Variants in MTSS2 observed in about 807,000 individuals in gnomAD.
MTSS2 encodes MTSS I-BAR domain containing 2.
Under a neutral mutation model 67.1 loss-of-function variants are expected in MTSS2, and 27 were observed. That is an observed-to-expected ratio of 0.40 (90% confidence interval 0.30 to 0.55). MTSS2 has a LOEUF of 0.55. MTSS2 is among the 20% of genes least tolerant of loss of function. The pLI, the probability that MTSS2 is intolerant of heterozygous loss-of-function variation, is 0.43. For missense variants in MTSS2, 1,171 were observed against 1,067.8 expected, an observed-to-expected ratio of 1.10 and a Z score of -1.35; for synonymous variants, 624 against 468.6, an observed-to-expected ratio of 1.33 and a Z score of -4.28.
At chr16:70,670,952 A>T (rs2052911314) in intron 11 of MTSS2, among the ~76,000 whole-genome samples, 1 of 141,476 alleles carries the variant, frequency 7.1e-6, no homozygotes, top group African/African-American at 2.6e-5. Context: ...CCTGGGTGAC[A>T]GAGTGAGACC....
rs1410770884 is a variant in MTSS2, at chr16:70,661,795, A to G, written c.*1882T>C. ...GCCTCCTTTCCCATCAGGACCTCTG[A>G]CGCCCAGGTCTGCCCACCCACTGCC... On this transcript the variant is annotated 3_prime_UTR_variant, in exon 15 of 15. Transcript: ENST00000338779. 1.6e-5 allele frequency: 3 copies of G among 182,678 alleles called. No individual in the cohort carries two copies. The highest frequency in any genetic ancestry group is 5.6e-5 in the Admixed American group (1 of 17,922). The allele number at this position is 182,678 out of a possible 1,614,324, so 11.3% of individuals were successfully genotyped here.
chr16:70,674,458 G>C lies in MTSS2; in HGVS notation c.901C>G (p.Pro301Ala). Residue 301 changes from proline (P) to alanine (A), a missense_variant, in exon 11 of 15, where the codon CCC (proline) becomes GCC (alanine). Physicochemically the swap from Pro to Ala is conservative, Grantham distance 27. Around this residue, in one of 2 missense-constraint regions of MTSS2, gnomAD observed 924 missense variants for 756.0 expected, o/e 1.22. Coordinates refer to ENST00000338779, the MANE Select transcript of MTSS2 (RefSeq NM_138383.3). ...CTGCGGTAGCGACAGGTGGAACTGG[G>C]TGAGTATGTTTGGGCACCCCCAGGC... ...PWPGGAQTYSPSSTCRYRSLA... is the reference protein window; with the variant it reads ...PWPGGAQTYSASSTCRYRSLA... 6.2e-7 allele frequency: 1 copy of C among 1,614,154 alleles called. No individual in the cohort carries two copies. The highest frequency in any genetic ancestry group is 1.3e-5 in the African/African-American group (1 of 75,066).
chr16:70,679,258 A>G, intron 7 of MTSS2, 57 bp downstream of exon 7: 1 of 1,604,714 alleles, frequency 6.2e-7, no homozygotes, highest in Non-Finnish European at 8.5e-7. Flanking sequence ...GCTGGGGGAG[A>G]CAGACAAATG....
At chr16:70,675,466 G>C (rs569747971) in intron 10 of MTSS2, among the ~76,000 whole-genome samples, 1 of 152,254 alleles carries the variant, frequency 6.6e-6, no homozygotes, top group East Asian at 1.9e-4. Context: ...AAACCTATTG[G>C]TTTCACCAAA....
At position 70,661,460 on chromosome 16, in the gene MTSS2, A is replaced by C. The variant is rs867177929; in HGVS notation, c.*2217T>G. On this transcript the variant is annotated 3_prime_UTR_variant, in exon 15 of 15. Coordinates refer to ENST00000338779, the MANE Select transcript of MTSS2 (RefSeq NM_138383.3). The stretch of plus-strand genomic sequence containing the variant: ...AAATTAAAAAAAGGAACGAGTTAAC[A>C]ACAGCACCAGGAAAGTTACTTCAGT... The C allele has an allele frequency of 4.0e-4, 146 of 365,332 alleles. 1 individual carries two copies. In the Middle Eastern group the frequency reaches 5.0e-3, roughly 13 times the overall value. 22.6% of individuals were successfully genotyped at this position (365,332 alleles called of 1,614,324 possible).
chr16:70,679,915 C>G, intron 4 of MTSS2, 38 bp from the exon 5 acceptor site: 1 of 1,544,492 alleles, frequency 6.5e-7, no homozygotes, highest in Non-Finnish European at 8.7e-7. Context: ...CAGGGCCGGG[C>G]TCCCCCGCGA....
At chr16:70,665,251 G>A (rs2052666554) in intron 12 of MTSS2, 155 bp from the exon 13 acceptor site, 1 of 987,978 alleles carries the variant, frequency 1.0e-6, no homozygotes, top group Admixed American at 2.8e-5. Flanking sequence ...GTGTGACTGT[G>A]GCCCCTCAGT....
intron 10 of MTSS2, among the ~76,000 whole-genome samples, chr16:70,676,646 A>C (rs11647479): frequency 0.45 from 68,171 of 152,036 alleles, 15,693 homozygotes; most frequent in Non-Finnish European, 0.51. Flanking sequence ...TGGATGCTCC[A>C]TAAATGAAGC....
Position 70,665,449 on chromosome 16 carries a change from G to A in MTSS2, c.1128+17C>T, listed in dbSNP as rs1226194185. The A allele has an allele frequency of 5.8e-6, 9 of 1,549,602 alleles. No homozygotes were observed. The highest frequency in any genetic ancestry group is 3.9e-5 in the Admixed American group (2 of 51,300). ...GGCAGCTGGTGACTGTCCTGGGGCC[G>A]GGCTGGGAGCACTGACCGAGGTGGG... On this transcript the variant is annotated intron_variant, in intron 12 of 14. Coordinates refer to ENST00000338779, the MANE Select transcript of MTSS2 (RefSeq NM_138383.3).
At chr16:70,685,261 C>A (rs1411602325) in intron 1 of MTSS2, among the ~76,000 whole-genome samples, 1 of 151,990 alleles carries the variant, frequency 6.6e-6, no homozygotes, top group East Asian at 1.9e-4. Flanking sequence ...CCTAGGTCGG[C>A]GGGGAAGGAG....
chr16:70,664,211 G>A lies in MTSS2; in HGVS notation c.1710C>T (p.Thr570=), dbSNP rs1050857530. The change falls in exon 15 of 15, where the codon ACC becomes ACT. Residue 570 remains threonine (T), a synonymous_variant. Coordinates refer to ENST00000338779, the MANE Select transcript of MTSS2 (RefSeq NM_138383.3). ...GVATIRRTPS[T]KPTVRRALSS... ...ACAGGGCGCGGCGCACGGTGGGCTT[G>A]GTGGAGGGTGTGCGGCGGATGGTGG... 5 of 1,589,564 alleles carry A rather than the reference G, an allele frequency of 3.1e-6. No individual in the cohort carries two copies. The highest frequency in any genetic ancestry group is 2.2e-5 in the East Asian group (1 of 44,586).
At chr16:70,678,227 G>A (rs766623413) in intron 8 of MTSS2, 25 bp downstream of exon 8, 36 of 1,590,950 alleles carry the variant, frequency 2.3e-5, no homozygotes, top group Admixed American at 5.1e-5. Context: ...CACCCCTCTG[G>A]GGTCTGAGTC....
At chr16:70,673,277 A>G (rs1386098069) in intron 11 of MTSS2, among the ~76,000 whole-genome samples, 1 of 152,224 alleles carries the variant, frequency 6.6e-6, no homozygotes, top group Non-Finnish European at 1.5e-5. Context: ...CATTGTAGAC[A>G]CGCTGTAGCA....
rs951962689 is a variant in MTSS2, at chr16:70,662,690, GAC to G, written c.*985_*986del. 4 of 152,576 alleles carry G rather than the reference GAC, an allele frequency of 2.6e-5. No homozygotes were observed. Among genetic ancestry groups the G allele is most frequent in the African/African-American group, 9.7e-5 (4 of 41,372 alleles). The allele number at this position is 152,576 out of a possible 1,614,324, so 9.5% of individuals were successfully genotyped here. A position where few individuals can be genotyped will look rare whatever the true frequency, so the allele number is the denominator to read the frequency against. On this transcript the variant is annotated 3_prime_UTR_variant, in exon 15 of 15. Transcript: ENST00000338779. ...GGTCCCTGTCCCCCAGGCACTCCCA[GAC>G]ACACACCCTGTATCGTCCCCTCTCC... is the stretch of plus-strand genomic sequence containing the variant.
intron 14 of MTSS2, 45 bp downstream of exon 14, chr16:70,664,553 T>C (rs1184503506): frequency 6.3e-7 from 1 of 1,599,370 alleles, no homozygotes; most frequent in Non-Finnish European, 8.5e-7. Flanking sequence ...CCTGGATGGC[T>C]AAGTCCCAGC....
chr16:70,665,159 C>G (rs192414744), intron 12 of MTSS2, 63 bp from the exon 13 acceptor site: 2 of 1,513,678 alleles, frequency 1.3e-6, no homozygotes, highest in South Asian at 2.6e-5. Flanking sequence ...CCCGGGGGCC[C>G]GTCACTGTGG....
intron 11 of MTSS2, among the ~76,000 whole-genome samples, chr16:70,670,679 T>C (rs554792042): frequency 6.6e-6 from 1 of 151,874 alleles, no homozygotes; most frequent in East Asian, 1.9e-4. Flanking sequence ...GTAGAAAGGA[T>C]AAAAAGGGCA....
intron 11 of MTSS2, among the ~76,000 whole-genome samples, chr16:70,667,100 CT>C (rs1387742951): frequency 1.3e-5 from 2 of 151,810 alleles, no homozygotes; most frequent in Non-Finnish European, 2.9e-5. Flanking sequence ...AGTGAGACCC[CT>C]GACTCTACAA....
intron 2 of MTSS2, 46 bp downstream of exon 2, chr16:70,680,918 G>GGGGGGGGGGGGGGGGGGGGGGGGGCCCC: frequency 9.1e-7 from 1 of 1,097,926 alleles, no homozygotes; most frequent in Non-Finnish European, 1.3e-6. Context: ...CGGGGGGGGG[G>GGGGGGGGGGGGGGGGGGGGGGGGGCCCC]CCTCTGCCTG....
Sources: allele counts gnomAD v4.1 joint callset (sites outside exome capture counted in the v4.1 genomes callset), GRCh38; gene constraint gnomAD v4.1.1; regional missense constraint gnomAD v4.1.1; transcripts MANE v1.5; gene names NCBI Gene and HGNC (gene_info 2026-07-23, HGNC 2026-07-21).